KIAA0825: variants seen among roughly 807,000 people sequenced by gnomAD.
KIAA0825 encodes the protein uncharacterized protein KIAA0825.
KIAA0825 carries 119 observed loss-of-function variants against 147.6 expected under a neutral mutation model. The observed-to-expected ratio is 0.81, with a 90% confidence interval of 0.69 to 0.94. The LOEUF is 0.94. Ranked by LOEUF, KIAA0825 falls within the 40% of genes least tolerant of loss-of-function variation. The probability of loss-of-function intolerance (pLI) is 0.00; values close to 1 mark genes in which losing one functional copy is unlikely to be tolerated. For missense variants in KIAA0825, 1,381 were observed against 1,472.7 expected (o/e 0.94, Z 1.02); for synonymous variants, 470 against 518.1 (o/e 0.91, Z 1.26).
intron 20 of KIAA0825, among the ~76,000 whole-genome samples, chr5:94,267,467 T>C (rs1776784373): frequency 6.6e-6 from 1 of 152,098 alleles, no homozygotes; most frequent in Non-Finnish European, 1.5e-5. Context: ...ACCTTAACAG[T>C]TTTTAAGACA....
intron 20 of KIAA0825, among the ~76,000 whole-genome samples, chr5:94,178,442 C>CT (rs1383996230): frequency 3.3e-5 from 5 of 151,692 alleles, no homozygotes; most frequent in African/African-American, 1.2e-4. Flanking sequence ...CTTAGGTATC[C>CT]TTTTTTATGA....
intron 2 of KIAA0825, chr5:94,569,794 C>T (rs1243297843): frequency 3.3e-5 from 7 of 212,210 alleles, no homozygotes; most frequent in South Asian, 3.6e-4. Context: ...TCCACGCTAA[C>T]GGTGCCTCAA....
intron 3 of KIAA0825, among the ~76,000 whole-genome samples, chr5:94,534,500 A>G (rs1054041628): frequency 6.6e-6 from 1 of 152,190 alleles, no homozygotes; most frequent in Non-Finnish European, 1.5e-5. Flanking sequence ...GTGAAGATCA[A>G]TGGTCACTTG....
rs1773236622 is a variant in KIAA0825, at chr5:94,216,740, G to A, written c.3711-62616C>T. ...TTCTCAATGCAGGAGTATTAGACTA[G>A]ACAAGCCACAAAGGAACAGGAAATA... On this transcript the variant is annotated intron_variant, in intron 20 of 20. Transcript: ENST00000682413. Among the ~76,000 whole-genome samples, 3 of 152,250 alleles carry A rather than the reference G, an allele frequency of 2.0e-5. No homozygotes were observed. The South Asian group carries it at 6.2e-4, about 32-fold the overall frequency.
chr5:94,581,109 T>C (rs1584954016), intron 2 of KIAA0825, among the ~76,000 whole-genome samples: 1 of 152,096 alleles, frequency 6.6e-6, no homozygotes, highest in African/African-American at 2.4e-5. Context: ...AAATTAAACC[T>C]GTGCTTTTAG....
At chr5:94,243,771 T>A (rs1775471592) in intron 20 of KIAA0825, among the ~76,000 whole-genome samples, 1 of 152,162 alleles carries the variant, frequency 6.6e-6, no homozygotes, top group African/African-American at 2.4e-5. Context: ...CCTGTTTACA[T>A]CCATCTTTGT....
chr5:94,204,503 T>C (rs1771976273), intron 20 of KIAA0825, among the ~76,000 whole-genome samples: 2 of 152,118 alleles, frequency 1.3e-5, no homozygotes, highest in Admixed American at 6.5e-5. Flanking sequence ...TCCAAACAAA[T>C]GGAAAAAACT....
chr5:94,439,937 A>G (rs1756864444), intron 14 of KIAA0825, 45 bp downstream of exon 14: 1 of 1,522,060 alleles, frequency 6.6e-7, no homozygotes, highest in South Asian at 1.3e-5. Context: ...AACTCGAGCA[A>G]TGACTAGGTT....
At chr5:94,474,113 G>A (rs909067986) in intron 7 of KIAA0825, among the ~76,000 whole-genome samples, 8 of 152,138 alleles carry the variant, frequency 5.3e-5, no homozygotes, top group African/African-American at 1.9e-4. Context: ...GTCATAAGCA[G>A]CACTACTTTT....
chr5:94,230,531 A>G (rs533352515), intron 20 of KIAA0825, among the ~76,000 whole-genome samples: 1 of 152,168 alleles, frequency 6.6e-6, no homozygotes, highest in South Asian at 2.1e-4. Context: ...ATGTTTTTCA[A>G]ATTCCTGATA....
intron 8 of KIAA0825, 74 bp downstream of exon 8, chr5:94,473,218 C>T (rs568920992): frequency 4.2e-6 from 5 of 1,197,980 alleles, no homozygotes; most frequent in African/African-American, 1.5e-5. Context: ...TCTACAGGTC[C>T]TTTTTGCAAT....
chr5:94,526,434 G>C (rs940305231), intron 3 of KIAA0825, among the ~76,000 whole-genome samples: 3 of 151,874 alleles, frequency 2.0e-5, no homozygotes, highest in Non-Finnish European at 4.4e-5. Flanking sequence ...GGGCACAGGA[G>C]TATTTCTCAT....
chr5:94,310,947 A>G (rs1293809100), intron 20 of KIAA0825, among the ~76,000 whole-genome samples: 1 of 151,762 alleles, frequency 6.6e-6, no homozygotes, highest in Non-Finnish European at 1.5e-5. Flanking sequence ...CACAGAAGAC[A>G]TATAACATCC....
In KIAA0825 at chr5:94,484,907, C is replaced by A; in HGVS notation, c.994G>T (p.Gly332Ter). 6.6e-7 allele frequency: 1 copy of A among 1,515,872 alleles called. No homozygotes were observed. Among genetic ancestry groups the A allele is most frequent in the South Asian group, 1.3e-5 (1 of 78,974 alleles). The allele number at this position is 1,515,872 out of a possible 1,614,324, so 93.9% of individuals were successfully genotyped here. A position where few individuals can be genotyped will look rare whatever the true frequency, so the allele number is the denominator to read the frequency against. The change falls in exon 6 of 21, where the codon GGA becomes TGA. Residue 332 changes from glycine (G) to a stop codon, truncating the protein, a stop_gained. Coordinates refer to ENST00000682413, the MANE Select transcript of KIAA0825 (RefSeq NM_001145678.3). LOFTEE classifies it high-confidence loss of function. ...TCTAAAGGGAGAGAGAAGTTTCTTC[C>A]TTTCTGTGGGCATTCAGTAGTAACT... is the stretch of plus-strand genomic sequence containing the variant. ...ALVTTECPQK[G>*]RNFSLPLDKV...
chr5:94,229,987 C>T (rs1193455512), intron 20 of KIAA0825, among the ~76,000 whole-genome samples: 1 of 152,056 alleles, frequency 6.6e-6, no homozygotes, highest in African/African-American at 2.4e-5. Context: ...AGCATTTAGG[C>T]TATCTAGGTA....
rs1562283965 is a variant in KIAA0825, at chr5:94,152,845, AAAAAAAAAAATTATATAT to A, written c.*1144_*1161del. ...TGAAAAAAAAAAAAAAAAAAAAAAA[AAAAAAAAAAATTATATAT>A]ATATATATATATATATATATATATA... On this transcript the variant is annotated 3_prime_UTR_variant, in exon 21 of 21. Coordinates refer to ENST00000682413, the MANE Select transcript of KIAA0825 (RefSeq NM_001145678.3). 5.7e-3 allele frequency: 202 copies of A among 35,396 alleles called. 11 individuals are homozygous for A. The highest frequency in any genetic ancestry group is 8.2e-3 in the Non-Finnish European group (146 of 17,898). The allele number at this position is 35,396 out of a possible 1,614,324, so 2.2% of individuals were successfully genotyped here.
rs202129170 is a variant in KIAA0825 at position 94,482,072 on chromosome 5, T to C, written c.1132+2697A>G. Among the ~76,000 whole-genome samples, 29 of 152,228 alleles carry C rather than the reference T, an allele frequency of 1.9e-4. No individual in the cohort carries two copies. In the East Asian group the frequency reaches 5.4e-3, roughly 28 times the overall value. On this transcript the variant is annotated intron_variant, in intron 6 of 20. Transcript: ENST00000682413. Reference sequence around the variant, plus strand: ...AACAGTCAAATAATGTCCTATCATTTTTTGAAGTGACAAAAATAGAAAACC... The same window carrying C: ...AACAGTCAAATAATGTCCTATCATTCTTTGAAGTGACAAAAATAGAAAACC...
At chr5:94,497,043 AAC>A (rs1315118091) in intron 5 of KIAA0825, among the ~76,000 whole-genome samples, 1 of 152,148 alleles carries the variant, frequency 6.6e-6, no homozygotes, top group Non-Finnish European at 1.5e-5. Flanking sequence ...GGCATTAATT[AAC>A]AGTTACCATT....
At chr5:94,567,915 G>A (rs1280708364) in intron 2 of KIAA0825, 7 of 156,214 alleles carry the variant, frequency 4.5e-5, no homozygotes, top group East Asian at 1.8e-4. Flanking sequence ...CTACTCAACC[G>A]CTTCCACCCC....
Sources: allele counts gnomAD v4.1 joint callset (sites outside exome capture counted in the v4.1 genomes callset), GRCh38; gene constraint gnomAD v4.1.1; transcripts MANE v1.5; gene names NCBI Gene and HGNC (gene_info 2026-07-23, HGNC 2026-07-21).